Variants in UBE2Q2 observed in about 807,000 individuals in gnomAD.
The protein encoded by UBE2Q2 is ubiquitin conjugating enzyme E2 Q2.
A neutral mutation model predicts 59.9 loss-of-function variants in UBE2Q2; 54 were observed. The observed-to-expected ratio is 0.90, with a 90% confidence interval of 0.72 to 1.13. UBE2Q2 has a LOEUF of 1.13. UBE2Q2 is among the 50% of genes most tolerant of loss of function. The pLI is 0.00. For synonymous variants in UBE2Q2, 165 were observed against 155.2 expected (o/e 1.06, Z -0.47); for missense variants, 433 against 441.9 (o/e 0.98, Z 0.18).
At chr15:75,896,217 G>C (rs1472111694) in intron 11 of UBE2Q2, among the ~76,000 whole-genome samples, 3 of 152,154 alleles carry the variant, frequency 2.0e-5, no homozygotes, top group African/African-American at 4.8e-5. Flanking sequence ...TAACTTGTGT[G>C]GAGGAAGGGG....
intron 4 of UBE2Q2, among the ~76,000 whole-genome samples, chr15:75,869,459 T>G (rs1009904416): frequency 2.6e-5 from 4 of 152,252 alleles, no homozygotes; most frequent in African/African-American, 9.6e-5. Context: ...TTACACTATT[T>G]TAACAGAATA....
intron 1 of UBE2Q2, among the ~76,000 whole-genome samples, chr15:75,852,272 T>C (rs1196410925): frequency 6.6e-6 from 1 of 152,204 alleles, no homozygotes. Context: ...CTACTAGTAG[T>C]TTGGTGTTAC....
At chr15:75,885,146 G>A (rs1185186110) in intron 9 of UBE2Q2, among the ~76,000 whole-genome samples, 3 of 151,652 alleles carry the variant, frequency 2.0e-5, no homozygotes, top group South Asian at 4.2e-4. Flanking sequence ...TTTTTGAGAC[G>A]GGGTCTCACT....
chr15:75,865,973 T>C (rs1231518558), intron 3 of UBE2Q2, among the ~76,000 whole-genome samples: 2 of 152,196 alleles, frequency 1.3e-5, no homozygotes, highest in African/African-American at 4.8e-5. Flanking sequence ...CTTCCTGTCT[T>C]GATGGAGCTA....
chr15:75,868,930 C>CAG (rs1201164348), intron 3 of UBE2Q2, 21 bp from the exon 4 acceptor site: 8 of 1,611,586 alleles, frequency 5.0e-6, no homozygotes, highest in Non-Finnish European at 5.9e-6. Flanking sequence ...ATAGCCCTGG[C>CAG]AGATTCTTTC....
intron 3 of UBE2Q2, among the ~76,000 whole-genome samples, chr15:75,862,960 A>G (rs1897273081): frequency 6.6e-6 from 1 of 152,168 alleles, no homozygotes; most frequent in Non-Finnish European, 1.5e-5. Context: ...GCAATCATAA[A>G]TGATGGCTGG....
intron 1 of UBE2Q2, among the ~76,000 whole-genome samples, chr15:75,845,662 TG>T (rs903652651): frequency 6.6e-6 from 1 of 152,092 alleles, no homozygotes; most frequent in African/African-American, 2.4e-5. Flanking sequence ...GTTATCCCAG[TG>T]GGGGTGGGGT....
At chr15:75,870,498 T>C (rs551889361) in intron 4 of UBE2Q2, among the ~76,000 whole-genome samples, 1 of 152,298 alleles carries the variant, frequency 6.6e-6, no homozygotes, top group Non-Finnish European at 1.5e-5. Context: ...TAAACCTTTT[T>C]TGTGCGCCCA....
intron 3 of UBE2Q2, among the ~76,000 whole-genome samples, chr15:75,864,628 T>C (rs1477598631): frequency 6.7e-6 from 1 of 149,888 alleles, no homozygotes; most frequent in Admixed American, 6.6e-5. Context: ...AAAAAAAGGA[T>C]CGCTTCATGT....
rs369416295 is a variant in UBE2Q2, at chr15:75,890,498, G to A, written c.933+15G>A. ...TCACAAAACAGGTGACTTTTCTTAC[G>A]ATACTCCATTTTCACCCACAATTTA... On this transcript the variant is annotated intron_variant, in intron 10 of 12. Coordinates refer to ENST00000267938, the MANE Select transcript of UBE2Q2 (RefSeq NM_173469.4). 2.7e-5 allele frequency: 43 copies of A among 1,606,068 alleles called. No homozygotes were observed. The highest frequency in any genetic ancestry group is 3.4e-5 in the South Asian group (3 of 89,032).
At chr15:75,860,133 G>C in intron 3 of UBE2Q2, 151 bp downstream of exon 3, 1 of 651,858 alleles carries the variant, frequency 1.5e-6, no homozygotes, top group South Asian at 2.2e-5. Context: ...TCTGTTTTAG[G>C]TACTAAAAAT....
intron 4 of UBE2Q2, among the ~76,000 whole-genome samples, chr15:75,870,131 G>T (rs757956973): frequency 1.3e-5 from 2 of 152,122 alleles, no homozygotes; most frequent in Non-Finnish European, 2.9e-5. Flanking sequence ...GCAGTAGTGT[G>T]ATCACGGCTC....
In UBE2Q2 at chr15:75,897,021, A is replaced by G; in HGVS notation, c.1056A>G (p.Gln352=). ...ATCAATATAATCTAGCAAGAGCCCA[A>G]CAATCCTATAATTCCATTGTACAGA... ...NKNQYNLARA[Q]QSYNSIVQIH... is the part of the protein sequence containing the mutation. Residue 352 remains glutamine, a synonymous_variant, in exon 12 of 13, where the codon CAA becomes CAG. Coordinates refer to ENST00000267938, the MANE Select transcript of UBE2Q2 (RefSeq NM_173469.4). 1 of 1,573,784 alleles carries G rather than the reference A, an allele frequency of 6.4e-7. No individual in the cohort carries two copies. The highest frequency in any genetic ancestry group is 8.6e-7 in the Non-Finnish European group (1 of 1,157,360).
At chr15:75,870,982 C>T (rs974960206) in intron 4 of UBE2Q2, among the ~76,000 whole-genome samples, 1 of 152,156 alleles carries the variant, frequency 6.6e-6, no homozygotes, top group Non-Finnish European at 1.5e-5. Flanking sequence ...AACCAGCGTT[C>T]AGCATATGGA....
At chr15:75,884,366 A>C (rs1898633652) in intron 9 of UBE2Q2, among the ~76,000 whole-genome samples, 1 of 152,240 alleles carries the variant, frequency 6.6e-6, no homozygotes, top group African/African-American at 2.4e-5. Context: ...CAGACTTCAG[A>C]ACTTTCTCCA....
intron 5 of UBE2Q2, 22 bp downstream of exon 5, chr15:75,873,590 G>A: frequency 6.3e-7 from 1 of 1,592,728 alleles, no homozygotes; most frequent in Non-Finnish European, 8.5e-7. Context: ...TAGATATCTA[G>A]AACCTGGACT....
chr15:75,876,153 C>A, intron 5 of UBE2Q2, 34 bp from the exon 6 acceptor site: 1 of 1,599,214 alleles, frequency 6.3e-7, no homozygotes, highest in Non-Finnish European at 8.6e-7. Flanking sequence ...CTTAGCTCAG[C>A]AGACCCTGGT....
intron 11 of UBE2Q2, 141 bp downstream of exon 11, chr15:75,891,155 C>A: frequency 1.6e-6 from 1 of 612,970 alleles, no homozygotes; most frequent in Non-Finnish European, 2.7e-6. Context: ...CAAAAGTGAT[C>A]TATAGAAAAT....
intron 1 of UBE2Q2, among the ~76,000 whole-genome samples, chr15:75,846,249 A>AT (rs1224371089): frequency 2.0e-5 from 3 of 151,916 alleles, no homozygotes; most frequent in African/African-American, 7.3e-5. Flanking sequence ...TTTTATTATT[A>AT]TTTTTTGAGA....
Sources: gnomAD v4.1 joint callset for allele counts (sites outside exome capture counted in the v4.1 genomes callset) on GRCh38, gnomAD v4.1.1 for gene constraint, MANE v1.5 for transcripts, NCBI Gene and HGNC (gene_info 2026-07-23, HGNC 2026-07-21) for gene names.